Variants in DMD observed in about 807,000 individuals in gnomAD.
DMD encodes the protein dystrophin.
A neutral mutation model predicts 330.1 loss-of-function variants in DMD; 63 were observed. That is an observed-to-expected ratio of 0.19 (90% CI 0.16 to 0.24). The LOEUF (loss-of-function observed/expected upper bound fraction) is 0.24, where lower values mean the gene tolerates loss of function less well. Ranked by LOEUF, DMD falls within the 10% of genes least tolerant of loss-of-function variation. The pLI is 1.00. For synonymous variants in DMD, 1,223 were observed against 959.8 expected, an observed-to-expected ratio of 1.27 and a Z score of -5.07; for missense variants, 3,344 against 2,684.1, an observed-to-expected ratio of 1.25 and a Z score of -5.43.
intron 13 of DMD, among the ~76,000 whole-genome samples, chrX:32,580,443 A>T (rs1432885521): frequency 8.9e-6 from 1 of 112,126 alleles, no homozygotes; most frequent in African/African-American, 3.2e-5. Context: ...ATATCTGTGA[A>T]CAAACTCAAT....
At chrX:32,091,481 A>AT (rs1360772873) in intron 44 of DMD, among the ~76,000 whole-genome samples, 1 of 110,989 alleles carries the variant, frequency 9.0e-6, no homozygotes, top group Non-Finnish European at 1.9e-5. Context: ...TAACATCCCT[A>AT]TTTTAGAATA....
chrX:32,806,595 T>G (rs776834543), intron 7 of DMD, among the ~76,000 whole-genome samples: 1 of 111,598 alleles, frequency 9.0e-6, no homozygotes, highest in African/African-American at 3.3e-5. Flanking sequence ...CAAGTGGACC[T>G]CACAGACATC....
At chrX:32,733,410 G>A (rs1014804286) in intron 7 of DMD, among the ~76,000 whole-genome samples, 1 of 109,866 alleles carries the variant, frequency 9.1e-6, no homozygotes, top group Admixed American at 9.6e-5. Flanking sequence ...GCACCAAGTG[G>A]ACCTAATAGA....
intron 59 of DMD, among the ~76,000 whole-genome samples, chrX:31,447,260 ATTTTTTTTTTTTT>A (rs72227601): frequency 1.9e-5 from 1 of 52,472 alleles, no homozygotes; most frequent in Non-Finnish European, 3.3e-5. Context: ...AGATCTTGGG[ATTTTTTTTTTTTT>A]TTTTTTTTTT....
chrX:32,993,872 A>T (rs1024377093), intron 2 of DMD, among the ~76,000 whole-genome samples: 1 of 111,005 alleles, frequency 9.0e-6, no homozygotes, highest in Non-Finnish European at 1.9e-5. Context: ...AGAGAAAAGC[A>T]TACAAATGTA....
intron 59 of DMD, among the ~76,000 whole-genome samples, chrX:31,471,176 T>C (rs1463981944): frequency 2.7e-5 from 3 of 110,895 alleles, no homozygotes; most frequent in Admixed American, 1.9e-4. Context: ...ATCTCGCTGG[T>C]GTTCCAGGTG....
intron 2 of DMD, among the ~76,000 whole-genome samples, chrX:32,870,494 A>G (rs983925919): frequency 3.6e-5 from 4 of 112,259 alleles, no homozygotes. Context: ...AAGCAAAAAT[A>G]ACAAAGCTAG....
At chrX:32,651,126 A>T (rs750441461) in intron 9 of DMD, among the ~76,000 whole-genome samples, 25 of 100,087 alleles carry the variant, frequency 2.5e-4, no homozygotes, top group African/African-American at 1.1e-3. Flanking sequence ...CTTTTAAAAA[A>T]ATATAATATA....
chrX:31,738,827 G>T (rs182182825), intron 51 of DMD, among the ~76,000 whole-genome samples: 18 of 112,164 alleles, frequency 1.6e-4, no homozygotes, highest in Non-Finnish European at 3.2e-4. Flanking sequence ...ATCAGACACA[G>T]AAAGACAAAC....
chrX:32,025,231 T>G (rs1202822633), intron 44 of DMD, among the ~76,000 whole-genome samples: 1 of 112,425 alleles, frequency 8.9e-6, no homozygotes, highest in Non-Finnish European at 1.9e-5. Flanking sequence ...TTCGTATCAC[T>G]TAAAAGCACT....
At chrX:33,314,437 T>G (rs751154572) in intron 1 of DMD, among the ~76,000 whole-genome samples, 5 of 108,429 alleles carry the variant, frequency 4.6e-5, no homozygotes, top group African/African-American at 1.7e-4. Context: ...TTTGTATTTT[T>G]AGTAGAGATG....
At chrX:32,728,268 T>C (rs775419592) in intron 7 of DMD, among the ~76,000 whole-genome samples, 5 of 112,059 alleles carry the variant, frequency 4.5e-5, no homozygotes, top group Non-Finnish European at 9.4e-5. Flanking sequence ...AGTAACATTT[T>C]GTGAAGCAAG....
intron 45 of DMD, among the ~76,000 whole-genome samples, chrX:31,962,869 G>A (rs1265623223): frequency 9.0e-6 from 1 of 111,553 alleles, no homozygotes; most frequent in Non-Finnish European, 1.9e-5. Context: ...GGCAAAATGT[G>A]AATGTGTGAG....
intron 1 of DMD, among the ~76,000 whole-genome samples, chrX:33,206,966 C>A: frequency 9.1e-6 from 1 of 110,213 alleles, no homozygotes; most frequent in Middle Eastern, 4.7e-3. Flanking sequence ...ATTTCATCAC[C>A]CAGGTATCAA....
At chrX:31,766,362 G>A (rs769496019) in intron 51 of DMD, among the ~76,000 whole-genome samples, 148 of 111,719 alleles carry the variant, frequency 1.3e-3, no homozygotes, top group African/African-American at 4.7e-3. Context: ...GGGTTCAAGC[G>A]ATTCTCCTGC....
chrX:31,331,426 A>G (rs2057114094), intron 61 of DMD, among the ~76,000 whole-genome samples: 1 of 109,344 alleles, frequency 9.1e-6, no homozygotes, highest in Non-Finnish European at 1.9e-5. Context: ...GTTGGGCGGC[A>G]TTACTCATGA....
chrX:32,689,515 C>T (rs1375754948), intron 9 of DMD, among the ~76,000 whole-genome samples: 2 of 111,247 alleles, frequency 1.8e-5, no homozygotes, highest in African/African-American at 3.3e-5. Context: ...CAATGCTTCA[C>T]GAACTCTTTG....
intron 60 of DMD, among the ~76,000 whole-genome samples, chrX:31,364,356 C>G (rs186036519): frequency 2.9e-4 from 33 of 111,903 alleles, no homozygotes. Context: ...AGTCTTTAAG[C>G]TCTCGGGTCA....
chrX:32,508,767 C>T (rs2044912687), intron 18 of DMD, among the ~76,000 whole-genome samples: 1 of 111,666 alleles, frequency 9.0e-6, no homozygotes, highest in Non-Finnish European at 1.9e-5. Flanking sequence ...GCTCATTCTA[C>T]TTAAAGGTAA....
Sources: gnomAD v4.1 joint callset for allele counts (sites outside exome capture counted in the v4.1 genomes callset) on GRCh38, gnomAD v4.1.1 for gene constraint, MANE v1.5 for transcripts, NCBI Gene and HGNC (gene_info 2026-07-23, HGNC 2026-07-21) for gene names.